The following PCDHA1 variants were observed in gnomAD, a reference collection of about 807,000 sequenced individuals.
PCDHA1 encodes the protein protocadherin alpha 1.
Under a neutral mutation model 61.3 loss-of-function variants are expected in PCDHA1, and 42 were observed. That is an observed-to-expected ratio of 0.69 (90% CI 0.54 to 0.89). PCDHA1 has a LOEUF of 0.89. Ranked by LOEUF, PCDHA1 falls within the 40% of genes least tolerant of loss-of-function variation. The pLI, the probability that PCDHA1 is intolerant of heterozygous loss-of-function variation, is 0.00. For synonymous variants in PCDHA1, 610 were observed against 553.8 expected (o/e 1.10, Z -1.43); for missense variants, 1,256 against 1,235.3 (o/e 1.02, Z -0.25).
At chr5:140,844,640 A>G (rs1166364249) in intron 1 of PCDHA1, among the ~76,000 whole-genome samples, 4 of 149,532 alleles carry the variant, frequency 2.7e-5, no homozygotes, top group Non-Finnish European at 4.5e-5. Flanking sequence ...ATACATGATA[A>G]TTTCATTCTT....
intron 1 of PCDHA1, among the ~76,000 whole-genome samples, chr5:140,797,686 G>A (rs1562168391): frequency 6.6e-6 from 1 of 151,960 alleles, no homozygotes. Context: ...AATCACAATC[G>A]GAAGAAATTA....
At chr5:140,793,452 G>C (rs1171795992) in intron 1 of PCDHA1, among the ~76,000 whole-genome samples, 1 of 152,166 alleles carries the variant, frequency 6.6e-6, no homozygotes, top group Non-Finnish European at 1.5e-5. Context: ...AGTATCTTAA[G>C]ATACTGTACA....
intron 1 of PCDHA1, among the ~76,000 whole-genome samples, chr5:140,941,438 C>G (rs1408570275): frequency 6.6e-6 from 1 of 150,766 alleles, no homozygotes; most frequent in East Asian, 1.9e-4. Flanking sequence ...GCCTCAGCCT[C>G]GGGAGTAGCT....
intron 1 of PCDHA1, among the ~76,000 whole-genome samples, chr5:140,838,385 A>G (rs1344951461): frequency 2.0e-5 from 3 of 151,298 alleles, no homozygotes; most frequent in Admixed American, 6.6e-5. Flanking sequence ...CAGCCTCCCA[A>G]TGTGCTGGGA....
chr5:140,886,698 C>G (rs578140955), intron 1 of PCDHA1, among the ~76,000 whole-genome samples: 3 of 151,820 alleles, frequency 2.0e-5, no homozygotes, highest in Non-Finnish European at 4.4e-5. Flanking sequence ...TGGTGGCACG[C>G]GCCTGTAATC....
At chr5:140,802,912 G>A in intron 1 of PCDHA1, 1 of 1,613,746 alleles carries the variant, frequency 6.2e-7, no homozygotes, top group Non-Finnish European at 8.5e-7. Flanking sequence ...CGGGTGGGTG[G>A]CATCGGTGGC....
intron 3 of PCDHA1, among the ~76,000 whole-genome samples, chr5:141,004,120 T>C (rs1340380913): frequency 6.6e-6 from 1 of 152,178 alleles, no homozygotes; most frequent in African/African-American, 2.4e-5. Flanking sequence ...AAAGGGAGTA[T>C]CTCCATGATT....
intron 1 of PCDHA1, chr5:140,802,383 A>C (rs1302053906): frequency 1.9e-6 from 3 of 1,614,106 alleles, no homozygotes; most frequent in African/African-American, 1.3e-5. Flanking sequence ...CGTCCCCTTC[A>C]AGCTGGTGTC....
intron 1 of PCDHA1, chr5:140,841,406 G>A: frequency 6.2e-7 from 1 of 1,613,082 alleles, no homozygotes; most frequent in Non-Finnish European, 8.5e-7. Context: ...GGTGGGGAGC[G>A]GCCAGCTCCA....
chr5:140,903,524 A>T (rs2070355065), intron 1 of PCDHA1, among the ~76,000 whole-genome samples: 1 of 152,156 alleles, frequency 6.6e-6, no homozygotes, highest in Non-Finnish European at 1.5e-5. Flanking sequence ...TGTGTTGTTC[A>T]CTTTAAACTA....
intron 1 of PCDHA1, among the ~76,000 whole-genome samples, chr5:140,920,909 C>A (rs2079923809): frequency 6.6e-6 from 1 of 151,058 alleles, no homozygotes; most frequent in Admixed American, 6.6e-5. Context: ...GTTCTCAAAT[C>A]AGTTCCAAGA....
chr5:140,939,798 C>A (rs2092461303), intron 1 of PCDHA1, among the ~76,000 whole-genome samples: 1 of 152,138 alleles, frequency 6.6e-6, no homozygotes, highest in African/African-American at 2.4e-5. Flanking sequence ...TATAAATGTT[C>A]TGCATGTTCA....
rs2150483101 is a variant in PCDHA1, at chr5:140,850,412, A to T, written c.2394+61728A>T. 3.6e-5 allele frequency: 57 copies of T among 1,597,620 alleles called. No homozygotes were observed. The South Asian group carries it at 6.3e-4, about 18-fold the overall frequency. On this transcript the variant is annotated intron_variant, in intron 1 of 3. Transcript: ENST00000504120. ...TCAGCACAACGCGTGCCCTGGACGA[A>T]ACGGACGCACCGCGCCAGCGCCTAC...
At chr5:140,802,164 A>G (rs1762858947) in intron 1 of PCDHA1, 1 of 1,614,140 alleles carries the variant, frequency 6.2e-7, no homozygotes, top group African/African-American at 1.3e-5. Context: ...GGTAGAAGCC[A>G]CGGATAAAGG....
At chr5:140,852,749 G>A in intron 1 of PCDHA1, 3 of 984,204 alleles carry the variant, frequency 3.0e-6, no homozygotes, top group Non-Finnish European at 2.4e-6. Flanking sequence ...ATTTAAACTT[G>A]GACCCAGGTA....
At chr5:140,866,540 C>T (rs920003585) in intron 1 of PCDHA1, 4 of 152,134 alleles carry the variant, frequency 2.6e-5, no homozygotes, top group Admixed American at 2.6e-4. Context: ...GAATTAGCAT[C>T]ACGGAATAAA....
At chr5:140,908,078 A>G (rs1047293736) in intron 1 of PCDHA1, among the ~76,000 whole-genome samples, 2 of 152,202 alleles carry the variant, frequency 1.3e-5, no homozygotes, top group Admixed American at 6.5e-5. Context: ...AAAGTGCACA[A>G]CCAGGTGCAC....
chr5:140,830,265 C>A, intron 1 of PCDHA1: 1 of 1,613,646 alleles, frequency 6.2e-7, no homozygotes, highest in East Asian at 2.2e-5. Flanking sequence ...CGGTGCTCGG[C>A]GCCACCCACC....
intron 1 of PCDHA1, chr5:140,854,017 C>T (rs2042943793): frequency 5.7e-6 from 2 of 349,696 alleles, no homozygotes; most frequent in South Asian, 2.3e-4. Flanking sequence ...AAAAAATTAG[C>T]CGGGCATGGT....
Sources: gnomAD v4.1 joint callset for allele counts (sites outside exome capture counted in the v4.1 genomes callset) on GRCh38, gnomAD v4.1.1 for gene constraint, MANE v1.5 for transcripts, NCBI Gene and HGNC (gene_info 2026-07-23, HGNC 2026-07-21) for gene names.